Variants in TXNRD3 observed in about 807,000 individuals in gnomAD.
TXNRD3 encodes the protein TXNRD3 neighbor gene protein.
In TXNRD3, 68 loss-of-function variants were observed where a neutral mutation model predicts 78.2. That is an observed-to-expected ratio of 0.87 (90% confidence interval 0.72 to 1.06). The LOEUF (loss-of-function observed/expected upper bound fraction) is 1.06, where lower values mean the gene tolerates loss of function less well. Among genes scored for constraint, TXNRD3 ranks in the 50% least tolerant of loss-of-function variants. The probability of loss-of-function intolerance (pLI) is 0.00; values close to 1 mark genes in which losing one functional copy is unlikely to be tolerated. For missense variants in TXNRD3, 751 were observed against 809.5 expected (o/e 0.93, Z 0.88); for synonymous variants, 296 against 300.1 (o/e 0.99, Z 0.14).
At chr3:126,650,837 C>T (rs1933370958) in intron 1 of TXNRD3, among the ~76,000 whole-genome samples, 1 of 152,198 alleles carries the variant, frequency 6.6e-6, no homozygotes, top group African/African-American at 2.4e-5. Flanking sequence ...GACCAGCTTA[C>T]ATGGCATTTT....
At chr3:126,644,217 G>GT (rs886423805) in intron 4 of TXNRD3, 80 bp downstream of exon 4, 2,595 of 1,343,796 alleles carry the variant, frequency 1.9e-3, no homozygotes, top group Non-Finnish European at 2.2e-3. Flanking sequence ...ACATTAGTTT[G>GT]TTTTTTTTTA....
At chr3:126,608,090 G>T in intron 15 of TXNRD3, 117 bp from the exon 16 acceptor site, 1 of 765,448 alleles carries the variant, frequency 1.3e-6, no homozygotes, top group Non-Finnish European at 1.9e-6. Context: ...GCCAGGCATG[G>T]TGGCTCATGC....
At chr3:126,640,513 C>T (rs1445668016) in intron 6 of TXNRD3, among the ~76,000 whole-genome samples, 2 of 152,166 alleles carry the variant, frequency 1.3e-5, no homozygotes, top group African/African-American at 2.4e-5. Context: ...GACCTGGATG[C>T]CCTGTCATAA....
At chr3:126,615,961 C>T (rs1340819986) in intron 12 of TXNRD3, among the ~76,000 whole-genome samples, 1 of 152,150 alleles carries the variant, frequency 6.6e-6, no homozygotes, top group Admixed American at 6.5e-5. Context: ...TGTTCTTGAC[C>T]ATCAAAGGGG....
chr3:126,612,580 T>C (rs1450798475), intron 13 of TXNRD3, among the ~76,000 whole-genome samples: 2 of 152,118 alleles, frequency 1.3e-5, no homozygotes, highest in African/African-American at 4.8e-5. Context: ...CCGGGTTCTC[T>C]TACCAGGTTT....
At chr3:126,631,688 C>T (rs777226) in intron 8 of TXNRD3, 76 bp downstream of exon 8, 179,861 of 889,664 alleles carry the variant, frequency 0.2, 19,646 homozygotes, top group Admixed American at 0.31. Context: ...TGGAATAAGA[C>T]AGGAAGTAAA....
chr3:126,630,986 T>G, intron 8 of TXNRD3, 49 bp from the exon 9 acceptor site: 8 of 1,409,292 alleles, frequency 5.7e-6, no homozygotes, highest in Non-Finnish European at 7.7e-6. Flanking sequence ...AAGAATGAAA[T>G]GAGTTATTCA....
chr3:126,613,191 T>A (rs1399308465), intron 13 of TXNRD3, among the ~76,000 whole-genome samples: 6 of 152,236 alleles, frequency 3.9e-5, no homozygotes, highest in Non-Finnish European at 7.3e-5. Context: ...ACCTCTTTTA[T>A]TTAATCATTT....
chr3:126,651,410 T>C (rs907984164), intron 1 of TXNRD3, among the ~76,000 whole-genome samples: 4 of 152,220 alleles, frequency 2.6e-5, no homozygotes. Flanking sequence ...TGTCCAAATA[T>C]GTCATGGGAC....
Position 126,611,067 on chromosome 3 carries a change from A to G in TXNRD3, c.1698T>C (p.Tyr566=), listed in dbSNP as rs777241. 1,445,220 of 1,521,238 alleles carry G rather than the reference A, an allele frequency of 0.95. 687,902 individuals are homozygous for G. The highest frequency in any genetic ancestry group is 0.98 in the Admixed American group (48,736 of 49,976). The allele number at this position is 1,521,238 out of a possible 1,614,324, so 94.2% of individuals were successfully genotyped here. ...CGAATTTATTGCAGATTATCTTTGC[A>G]TAACAAGTGTTGTTCTCTCTGCCAG... The change falls in exon 14 of 16, where the codon TAT becomes TAC. Residue 566 remains tyrosine, a synonymous_variant. Transcript: ENST00000524230.
rs1322846988 is a variant in TXNRD3 at position 126,654,947 on chromosome 3, C to T, written c.44G>A (p.Gly15Asp). ...GCCCGAGCGGCGGTTGGGGGCATCGCCCGCCTTTCCCGGCCCGGGCGACTG... is the reference window on the plus strand; with the variant it reads ...GCCCGAGCGGCGGTTGGGGGCATCGTCCGCCTTTCCCGGCCCGGGCGACTG... Residue 15 changes from glycine (G) to aspartate (D), a missense_variant, in exon 1 of 16, where the codon GGC becomes GAC. Coordinates refer to ENST00000524230, the MANE Select transcript of TXNRD3 (RefSeq NM_052883.3). The T allele has an allele frequency of 2.3e-6, 3 of 1,296,292 alleles. 1 individual carries two copies. The South Asian group carries it at 7.4e-5, about 32-fold the overall frequency. The allele number at this position is 1,296,292 out of a possible 1,614,324, so 80.3% of individuals were successfully genotyped here.
chr3:126,612,105 C>T (rs1938212060), intron 13 of TXNRD3, among the ~76,000 whole-genome samples: 1 of 152,076 alleles, frequency 6.6e-6, no homozygotes, highest in Non-Finnish European at 1.5e-5. Context: ...GTGGTGAGAT[C>T]TCAGCTCACT....
chr3:126,642,901 G>A (rs2107625671), intron 5 of TXNRD3, among the ~76,000 whole-genome samples: 1 of 152,282 alleles, frequency 6.6e-6, no homozygotes, highest in Non-Finnish European at 1.5e-5. Context: ...GAAAAGAGAA[G>A]ACACACTTGA....
chr3:126,635,045 T>C (rs1241302904), intron 6 of TXNRD3, among the ~76,000 whole-genome samples: 1 of 152,106 alleles, frequency 6.6e-6, no homozygotes, highest in African/African-American at 2.4e-5. Flanking sequence ...CTACATTACC[T>C]CATCCTCCCA....
intron 14 of TXNRD3, 101 bp downstream of exon 14, chr3:126,610,936 A>C: frequency 1.5e-6 from 1 of 670,424 alleles, no homozygotes; most frequent in Non-Finnish European, 2.3e-6. Context: ...CAACATGGCA[A>C]GATCCCGTCT....
At chr3:126,626,693 C>T (rs187078735) in intron 10 of TXNRD3, among the ~76,000 whole-genome samples, 1 of 152,220 alleles carries the variant, frequency 6.6e-6, no homozygotes, top group Admixed American at 6.5e-5. Context: ...GATGGAAATA[C>T]AAAATGGCAT....
chr3:126,630,930 G>A lies in TXNRD3; in HGVS notation c.979C>T (p.Leu327Phe). ...CCAGGGCAATAAGGCAGAGAAAAAA[G>A]GTCATCACTGAAAAATAAAAATTAA... The change falls in exon 9 of 16, where the codon CTT becomes TTT. Residue 327 changes from leucine to phenylalanine, a missense_variant. Physicochemically the swap from Leu to Phe is conservative, Grantham distance 22 (BLOSUM62 0). Transcript: ENST00000524230. 1 of 1,532,878 alleles carries A rather than the reference G, an allele frequency of 6.5e-7. No individual in the cohort carries two copies. The allele number at this position is 1,532,878 out of a possible 1,614,324, so 95.0% of individuals were successfully genotyped here.
At chr3:126,614,308 T>C (rs1381258337) in intron 13 of TXNRD3, among the ~76,000 whole-genome samples, 2 of 152,292 alleles carry the variant, frequency 1.3e-5, no homozygotes, top group East Asian at 3.9e-4. Flanking sequence ...GACCTTAAAG[T>C]AATCCCCAAA....
At position 126,637,932 on chromosome 3, in the gene TXNRD3, C is replaced by CTTTTTTTTTTTTTTTTTTTTTT. The variant is rs71615916; in HGVS notation, c.713-3903_713-3882dup. On this transcript the variant is annotated intron_variant, in intron 6 of 15. Coordinates refer to ENST00000524230, the MANE Select transcript of TXNRD3 (RefSeq NM_052883.3). ...CTTATTTTAACCTATATTTCTCTCT[C>CTTTTTTTTTTTTTTTTTTTTTT]TTTTTTTTTTTTTTTTTTTTTTTTT... Among the ~76,000 whole-genome samples the CTTTTTTTTTTTTTTTTTTTTTT allele has an allele frequency of 3.3e-5, 2 of 60,232 alleles. 1 individual carries two copies. The highest frequency in any genetic ancestry group is 1.4e-4 in the African/African-American group (2 of 13,976). 39.5% of individuals were successfully genotyped at this position (60,232 alleles called of 152,430 possible).
Sources: gnomAD v4.1 joint callset for allele counts (sites outside exome capture counted in the v4.1 genomes callset) on GRCh38, gnomAD v4.1.1 for gene constraint, MANE v1.5 for transcripts, NCBI Gene and HGNC (gene_info 2026-07-23, HGNC 2026-07-21) for gene names.